Variants in BABAM2 observed in about 807,000 individuals in gnomAD.
The protein encoded by BABAM2 is BRISC and BRCA1-A complex member 2.
BABAM2 carries 31 observed loss-of-function variants against 54.7 expected under a neutral mutation model. That is an observed-to-expected ratio of 0.57 (90% CI 0.43 to 0.77). The LOEUF is 0.77. BABAM2 is among the 30% of genes least tolerant of loss of function. BABAM2 has a pLI of 0.00. For missense variants in BABAM2, 364 were observed against 455.8 expected, an observed-to-expected ratio of 0.80 and a Z score of 1.83; for synonymous variants, 167 against 162.9, an observed-to-expected ratio of 1.03 and a Z score of -0.19.
intron 7 of BABAM2, among the ~76,000 whole-genome samples, chr2:28,214,043 T>C (rs188244030): frequency 5.3e-5 from 8 of 152,120 alleles, no homozygotes; most frequent in Admixed American, 3.3e-4. Flanking sequence ...GGCTCCCTCA[T>C]TGGTGATATT....
intron 2 of BABAM2, among the ~76,000 whole-genome samples, chr2:27,906,220 A>G (rs1236165181): frequency 3.9e-5 from 6 of 152,116 alleles, no homozygotes; most frequent in African/African-American, 1.4e-4. Flanking sequence ...AAACTCAGTG[A>G]ACAGTGCATG....
At chr2:28,045,900 T>C (rs1406625352) in intron 6 of BABAM2, 101 bp downstream of exon 6, 2 of 917,344 alleles carry the variant, frequency 2.2e-6, no homozygotes, top group East Asian at 2.8e-5. Flanking sequence ...TTTGTTCAGA[T>C]GATGAATTCT....
intron 3 of BABAM2, among the ~76,000 whole-genome samples, chr2:27,946,135 C>T (rs1669281371): frequency 2.0e-5 from 3 of 152,154 alleles, no homozygotes; most frequent in Non-Finnish European, 4.4e-5. Context: ...GTTAGTCTTT[C>T]ATCAGGTGTA....
At chr2:28,139,751 A>G (rs999319746) in intron 7 of BABAM2, among the ~76,000 whole-genome samples, 1 of 152,156 alleles carries the variant, frequency 6.6e-6, no homozygotes, top group African/African-American at 2.4e-5. Context: ...ATGACATACT[A>G]GAGATATTCT....
intron 7 of BABAM2, among the ~76,000 whole-genome samples, chr2:28,215,924 A>G (rs1679879261): frequency 6.6e-6 from 1 of 151,542 alleles, no homozygotes; most frequent in Non-Finnish European, 1.5e-5. Flanking sequence ...CTCATGTTTT[A>G]CTCTCCTGTT....
chr2:27,958,583 T>A (rs1381497241), intron 3 of BABAM2, among the ~76,000 whole-genome samples: 1 of 151,228 alleles, frequency 6.6e-6, no homozygotes, highest in Non-Finnish European at 1.5e-5. Flanking sequence ...TATATGTATA[T>A]TTAGTTTTTT....
At chr2:27,976,047 A>C (rs1486798031) in intron 3 of BABAM2, among the ~76,000 whole-genome samples, 1 of 152,250 alleles carries the variant, frequency 6.6e-6, no homozygotes, top group African/African-American at 2.4e-5. Context: ...AATAATAACA[A>C]AATTGACCAT....
chr2:28,091,970 A>C (rs1666192887), intron 6 of BABAM2, among the ~76,000 whole-genome samples: 1 of 152,162 alleles, frequency 6.6e-6, no homozygotes, highest in South Asian at 2.1e-4. Flanking sequence ...AATAGTTGTT[A>C]TGAGGTAAGA....
chr2:28,165,748 T>C (rs1673605270), intron 7 of BABAM2, among the ~76,000 whole-genome samples: 1 of 151,964 alleles, frequency 6.6e-6, no homozygotes, highest in South Asian at 2.1e-4. Context: ...TTGGCCAGGA[T>C]GGTCTTGAAC....
intron 3 of BABAM2, among the ~76,000 whole-genome samples, chr2:27,933,503 CAT>C (rs1668253995): frequency 6.6e-6 from 1 of 151,326 alleles, no homozygotes; most frequent in African/African-American, 2.4e-5. Context: ...ATATATATAA[CAT>C]ACACATATAT....
At chr2:28,213,596 T>G (rs891220344) in intron 7 of BABAM2, among the ~76,000 whole-genome samples, 3 of 152,154 alleles carry the variant, frequency 2.0e-5, no homozygotes, top group African/African-American at 7.2e-5. Flanking sequence ...TTATTTAAAT[T>G]TTGCTTTACT....
rs761883941 is a variant in BABAM2, at chr2:28,226,159, A to G, written c.681-11043A>G. The stretch of plus-strand genomic sequence containing the variant: ...AACACAGCCGTGCTCATTCATTTAC[A>G]TATTATCTGCGGCTGCCTTTGCACT... On this transcript the variant is annotated intron_variant, in intron 7 of 11. Coordinates refer to ENST00000379624, the MANE Select transcript of BABAM2 (RefSeq NM_199191.3). Among the ~76,000 whole-genome samples, 48 of 152,220 alleles carry G rather than the reference A, an allele frequency of 3.2e-4. 2 individuals carry two copies. The highest frequency in any genetic ancestry group is 1.2e-4 in the Non-Finnish European group (8 of 68,034).
chr2:28,336,542 A>G (rs1444868555), intron 11 of BABAM2, among the ~76,000 whole-genome samples: 4 of 152,128 alleles, frequency 2.6e-5, no homozygotes, highest in African/African-American at 9.7e-5. Flanking sequence ...GGCGCCTGGG[A>G]GTGCCGAAGG....
chr2:28,083,143 C>T (rs1215159186), intron 6 of BABAM2, among the ~76,000 whole-genome samples: 1 of 152,178 alleles, frequency 6.6e-6, no homozygotes, highest in Non-Finnish European at 1.5e-5. Flanking sequence ...ACTTCATCAT[C>T]ACTGCTCTGT....
At chr2:28,227,616 C>T (rs1681006100) in intron 7 of BABAM2, among the ~76,000 whole-genome samples, 1 of 152,154 alleles carries the variant, frequency 6.6e-6, no homozygotes, top group African/African-American at 2.4e-5. Flanking sequence ...AAGAGCAGAC[C>T]TGTGTTTTCC....
chr2:28,027,092 G>A (rs1675922989), intron 5 of BABAM2, among the ~76,000 whole-genome samples: 1 of 147,472 alleles, frequency 6.8e-6, no homozygotes, highest in African/African-American at 2.5e-5. Context: ...AATTTTGTCT[G>A]TTCATCTCCT....
intron 4 of BABAM2, among the ~76,000 whole-genome samples, chr2:28,018,710 G>A (rs1445591166): frequency 6.6e-6 from 1 of 152,110 alleles, no homozygotes; most frequent in Non-Finnish European, 1.5e-5. Flanking sequence ...CAGAACTGAA[G>A]TGGTATTGTG....
At chr2:28,025,505 A>G in intron 5 of BABAM2, 85 bp downstream of exon 5, 1 of 1,283,258 alleles carries the variant, frequency 7.8e-7, no homozygotes, top group Non-Finnish European at 1.0e-6. Flanking sequence ...AATCCTAGTC[A>G]TTTCTTTAGA....
In BABAM2 at chr2:28,336,623, G is replaced by C. The variant is rs192588634; in HGVS notation, c.1089-1827G>C. ...ATGTCACAGAAGTCACAGGGAAAGA[G>C]AGCTTCCAGAGAGAGGAGCTGACGT... On this transcript the variant is annotated intron_variant, in intron 11 of 11. Coordinates refer to ENST00000379624, the MANE Select transcript of BABAM2 (RefSeq NM_199191.3). 3.6e-3 allele frequency among the ~76,000 whole-genome samples: 546 copies of C among 152,356 alleles called. 4 individuals are homozygous for C. Among genetic ancestry groups the C allele is most frequent in the African/African-American group, 0.013 (526 of 41,576 alleles).
Sources: allele counts gnomAD v4.1 joint callset (sites outside exome capture counted in the v4.1 genomes callset), GRCh38; gene constraint gnomAD v4.1.1; transcripts MANE v1.5; gene names NCBI Gene and HGNC (gene_info 2026-07-23, HGNC 2026-07-21).